The following SCOC variants were observed in gnomAD, a reference collection of about 807,000 sequenced individuals.
SCOC encodes the protein short coiled-coil protein, also known as short coiled coil protein.
A neutral mutation model predicts 9.9 loss-of-function variants in SCOC; 7 were observed. That is an observed-to-expected ratio of 0.71 (90% CI 0.40 to 1.33). The LOEUF is 1.33. Among genes scored for constraint, SCOC ranks in the 40% most tolerant of loss-of-function variants. The probability of loss-of-function intolerance (pLI) is 0.01; values close to 1 mark genes in which losing one functional copy is unlikely to be tolerated. For synonymous variants in SCOC, 19 were observed against 28.2 expected, an observed-to-expected ratio of 0.67 and a Z score of 1.03; for missense variants, 66 against 89.7, an observed-to-expected ratio of 0.74 and a Z score of 1.07.
At chr4:140,337,024 C>A (rs762632550) in intron 1 of SCOC, among the ~76,000 whole-genome samples, 2 of 152,112 alleles carry the variant, frequency 1.3e-5, no homozygotes, top group Non-Finnish European at 2.9e-5. Flanking sequence ...GCTTATTGAC[C>A]ATTTGCATAT....
chr4:140,317,814 C>A (rs1294231075), intron 1 of SCOC, among the ~76,000 whole-genome samples: 1 of 150,678 alleles, frequency 6.6e-6, no homozygotes, highest in African/African-American at 2.4e-5. Context: ...CGTCATCTAG[C>A]ATTAGGTATA....
upstream of SCOC, among the ~76,000 whole-genome samples, chr4:140,371,717 A>G (rs1034148846): frequency 6.6e-6 from 1 of 152,236 alleles, no homozygotes; most frequent in Non-Finnish European, 1.5e-5. Flanking sequence ...GCTTTAAAAT[A>G]GAATTACCAT....
chr4:140,340,808 T>TTTTTTTTTTTTTTTTTTTTTC (rs140552446), upstream of SCOC, among the ~76,000 whole-genome samples: 2 of 111,814 alleles, frequency 1.8e-5, no homozygotes, highest in African/African-American at 3.1e-5. Context: ...TTTTTTTTTT[T>TTTTTTTTTTTTTTTTTTTTTC]AGAGGGATAG....
intron 1 of SCOC, among the ~76,000 whole-genome samples, chr4:140,378,576 TAAA>T (rs1728440474): frequency 6.6e-6 from 1 of 152,082 alleles, no homozygotes; most frequent in Non-Finnish European, 1.5e-5. Flanking sequence ...AATAAATAAA[TAAA>T]AATATGTCTT....
At chr4:140,271,186 G>GC (rs1730837064) in intron 1 of SCOC, among the ~76,000 whole-genome samples, 1 of 152,216 alleles carries the variant, frequency 6.6e-6, no homozygotes, top group East Asian at 1.9e-4. Flanking sequence ...GACTGCTGCT[G>GC]CCCCCACTCA....
At chr4:140,314,703 AAG>A (rs1309662051) in intron 1 of SCOC, among the ~76,000 whole-genome samples, 1 of 152,180 alleles carries the variant, frequency 6.6e-6, no homozygotes, top group Non-Finnish European at 1.5e-5. Flanking sequence ...AGAGGGAAGC[AAG>A]AGAGGCAGAT....
At chr4:140,373,141 G>A, upstream of SCOC, 1 of 435,750 alleles carries the variant, frequency 2.3e-6, no homozygotes, top group Non-Finnish European at 3.2e-6. Context: ...TCGGAAATAA[G>A]AAAAATATGA....
intron 1 of SCOC, among the ~76,000 whole-genome samples, chr4:140,290,837 GA>G (rs920801756): frequency 6.6e-6 from 1 of 151,886 alleles, no homozygotes; most frequent in African/African-American, 2.4e-5. Flanking sequence ...ACAAACAAAC[GA>G]ACAAACCCCA....
upstream of SCOC, among the ~76,000 whole-genome samples, chr4:140,343,273 G>A (rs1726577299): frequency 6.6e-6 from 1 of 152,162 alleles, no homozygotes; most frequent in African/African-American, 2.4e-5. Context: ...ATCATATAAA[G>A]TCAATTTCTT....
chr4:140,373,961 A>ACCTCTCGCGGTC (rs756998632), intron 1 of SCOC: 2 of 673,998 alleles, frequency 3.0e-6, no homozygotes, highest in South Asian at 3.0e-5. Context: ...TGGGAGAGGG[A>ACCTCTCGCGGTC]CCTCTCGCGG....
chr4:140,268,162 C>T (rs898768070), intron 1 of SCOC, among the ~76,000 whole-genome samples: 5 of 152,192 alleles, frequency 3.3e-5, no homozygotes, highest in African/African-American at 9.6e-5. Flanking sequence ...GCAGAGAAAG[C>T]TCATGTCCTC....
chr4:140,363,976 G>A (rs1450452919), intron 2 of SCOC, among the ~76,000 whole-genome samples: 1 of 152,156 alleles, frequency 6.6e-6, no homozygotes, highest in Non-Finnish European at 1.5e-5. Flanking sequence ...GATATGTATT[G>A]CAGATTGAAG....
rs1349664715 is a variant in SCOC, at chr4:140,332,260, A to G, written c.-18-11361A>G. 2.0e-5 allele frequency among the ~76,000 whole-genome samples: 3 copies of G among 151,540 alleles called. No individual in the cohort carries two copies. The East Asian group carries it at 5.8e-4, about 29-fold the overall frequency. ...CTCATACGAGACATGCCTAAAATCAAACTCTTAAGTTTCTCCTTCTATGTG... is the reference window on the plus strand; with the variant it reads ...CTCATACGAGACATGCCTAAAATCAGACTCTTAAGTTTCTCCTTCTATGTG... On this transcript the variant is annotated intron_variant, in intron 1 of 4. Coordinates refer to the SCOC transcript ENST00000394205.
At chr4:140,305,989 G>GA (rs1731969117) in intron 1 of SCOC, among the ~76,000 whole-genome samples, 1 of 152,110 alleles carries the variant, frequency 6.6e-6, no homozygotes, top group African/African-American at 2.4e-5. Context: ...GTCTTGGAGA[G>GA]AAAAAATAAT....
At chr4:140,356,135 G>A (rs1298206907) in intron 2 of SCOC, among the ~76,000 whole-genome samples, 1 of 152,164 alleles carries the variant, frequency 6.6e-6, no homozygotes, top group Non-Finnish European at 1.5e-5. Flanking sequence ...GAGTAAAGGA[G>A]ACACGGCACA....
At chr4:140,296,943 T>G (rs1171245378) in intron 1 of SCOC, among the ~76,000 whole-genome samples, 1 of 152,180 alleles carries the variant, frequency 6.6e-6, no homozygotes, top group Admixed American at 6.5e-5. Flanking sequence ...ATTTCTCTCC[T>G]GGCTTAACTT....
At chr4:140,316,801 G>A (rs1247791036) in intron 1 of SCOC, among the ~76,000 whole-genome samples, 1 of 152,128 alleles carries the variant, frequency 6.6e-6, no homozygotes. Flanking sequence ...TGATAACTAG[G>A]TGCCTGGGAA....
At chr4:140,311,112 C>T (rs931283970) in intron 1 of SCOC, among the ~76,000 whole-genome samples, 1 of 152,122 alleles carries the variant, frequency 6.6e-6, no homozygotes, top group Non-Finnish European at 1.5e-5. Flanking sequence ...ACCTGCAGTC[C>T]TAACTACTAA....
chr4:140,281,145 T>C (rs965097837), intron 1 of SCOC, among the ~76,000 whole-genome samples: 1 of 152,098 alleles, frequency 6.6e-6, no homozygotes, highest in Non-Finnish European at 1.5e-5. Context: ...AGCGTGTTCC[T>C]CTGGGCAACT....
Sources: allele counts gnomAD v4.1 joint callset (sites outside exome capture counted in the v4.1 genomes callset), GRCh38; gene constraint gnomAD v4.1.1; transcripts MANE v1.5; gene names NCBI Gene and HGNC (gene_info 2026-07-23, HGNC 2026-07-21).